PTCHD4: variants seen among roughly 807,000 people sequenced by gnomAD.
PTCHD4 encodes the protein patched domain-containing protein 4.
A neutral mutation model predicts 58.1 loss-of-function variants in PTCHD4; 33 were observed. The observed-to-expected ratio is 0.57, with a 90% confidence interval of 0.43 to 0.76. The LOEUF is 0.76. Ranked by LOEUF, PTCHD4 falls within the 30% of genes least tolerant of loss-of-function variation. The pLI, the probability that PTCHD4 is intolerant of heterozygous loss-of-function variation, is 0.00. For missense variants in PTCHD4, 1,058 were observed against 1,027.1 expected, an observed-to-expected ratio of 1.03 and a Z score of -0.41; for synonymous variants, 478 against 409.6, an observed-to-expected ratio of 1.17 and a Z score of -2.02.
chr6:48,057,148 T>TCTCC (rs1764436689), intron 3 of PTCHD4, among the ~76,000 whole-genome samples: 2 of 152,028 alleles, frequency 1.3e-5, no homozygotes, highest in African/African-American at 2.4e-5. Flanking sequence ...GTAAAAAGTC[T>TCTCC]CTCCCTCCCT....
At chr6:48,012,160 G>A (rs1390378071) in intron 3 of PTCHD4, among the ~76,000 whole-genome samples, 2 of 152,120 alleles carry the variant, frequency 1.3e-5, no homozygotes, top group Non-Finnish European at 2.9e-5. Context: ...ATTACTTTGG[G>A]CAGTTTGGCC....
intron 3 of PTCHD4, among the ~76,000 whole-genome samples, chr6:48,029,709 T>A (rs1763369500): frequency 6.6e-6 from 1 of 152,104 alleles, no homozygotes; most frequent in Non-Finnish European, 1.5e-5. Context: ...GGCAATACAG[T>A]TATTTGCATA....
intron 4 of PTCHD4, among the ~76,000 whole-genome samples, chr6:47,891,735 A>G (rs1197761604): frequency 6.6e-6 from 1 of 151,764 alleles, no homozygotes; most frequent in African/African-American, 2.4e-5. Flanking sequence ...TTCCTAAAAT[A>G]CTCCATGGTC....
At chr6:47,988,542 C>T (rs948349306) in intron 4 of PTCHD4, among the ~76,000 whole-genome samples, 2 of 152,144 alleles carry the variant, frequency 1.3e-5, no homozygotes, top group Non-Finnish European at 2.9e-5. Flanking sequence ...CAATAGTACT[C>T]CCATAATTCC....
At chr6:47,974,642 C>T (rs1224604019) in intron 4 of PTCHD4, among the ~76,000 whole-genome samples, 1 of 152,186 alleles carries the variant, frequency 6.6e-6, no homozygotes, top group African/African-American at 2.4e-5. Flanking sequence ...TAAATATCCC[C>T]TGGGAGGCAA....
intron 1 of PTCHD4, among the ~76,000 whole-genome samples, chr6:48,080,897 G>A (rs1765154156): frequency 6.6e-6 from 1 of 152,132 alleles, no homozygotes; most frequent in Admixed American, 6.6e-5. Context: ...ATTGTCTGGG[G>A]CTTACCTTTC....
chr6:48,100,818 G>A (rs1025947627), intron 1 of PTCHD4, among the ~76,000 whole-genome samples: 2 of 151,964 alleles, frequency 1.3e-5, no homozygotes, highest in African/African-American at 2.4e-5. Flanking sequence ...ATTTTGAGTC[G>A]TGCATCTACC....
rs1763625245 is a variant in PTCHD4 at position 47,868,319 on chromosome 6, T to A, written c.*9984A>T. Among the ~76,000 whole-genome samples, 1 of 151,752 alleles carries A rather than the reference T, an allele frequency of 6.6e-6. No homozygotes were observed. The highest frequency in any genetic ancestry group is 6.6e-5 in the Admixed American group (1 of 15,194). On this transcript the variant is annotated 3_prime_UTR_variant, in exon 5 of 5. Coordinates refer to ENST00000339488, the MANE Select transcript of PTCHD4 (RefSeq NM_001384253.1). ...TCAACTTATAGGAAAGGACAGTTATTACCAACAAACTTGAAATTCTTCCTT... is the reference window on the plus strand; with the variant it reads ...TCAACTTATAGGAAAGGACAGTTATAACCAACAAACTTGAAATTCTTCCTT...
At chr6:47,913,907 G>T (rs1237621931) in intron 4 of PTCHD4, among the ~76,000 whole-genome samples, 3 of 152,136 alleles carry the variant, frequency 2.0e-5, no homozygotes, top group East Asian at 3.9e-4. Flanking sequence ...CAATTCTGAT[G>T]CAGGTTATCT....
Position 47,867,772 on chromosome 6 carries a change from A to C in PTCHD4, c.*10531T>G, listed in dbSNP as rs1763609963. Among the ~76,000 whole-genome samples, 1 of 151,732 alleles carries C rather than the reference A, an allele frequency of 6.6e-6. No homozygotes were observed. The highest frequency in any genetic ancestry group is 2.4e-5 in the African/African-American group (1 of 41,370). On this transcript the variant is annotated 3_prime_UTR_variant, in exon 5 of 5. Coordinates refer to ENST00000339488, the MANE Select transcript of PTCHD4 (RefSeq NM_001384253.1). Reference sequence around the variant, plus strand: ...ATAATTCCTTCCTTACTTTCCTTGAATACTCCAGCTGCAAATTTCCTCAAC... The same window carrying C: ...ATAATTCCTTCCTTACTTTCCTTGACTACTCCAGCTGCAAATTTCCTCAAC...
At chr6:47,881,399 T>C (rs982538998) in intron 4 of PTCHD4, among the ~76,000 whole-genome samples, 4 of 152,164 alleles carry the variant, frequency 2.6e-5, no homozygotes, top group Non-Finnish European at 2.9e-5. Flanking sequence ...TGTGACATAG[T>C]TCTGGACAAT....
At position 47,859,817 on chromosome 6, in the gene PTCHD4, G is replaced by A. The variant is rs1449227296; in HGVS notation, c.*18486C>T. 1.3e-5 allele frequency among the ~76,000 whole-genome samples: 2 copies of A among 151,976 alleles called. No homozygotes were observed. The highest frequency in any genetic ancestry group is 2.9e-5 in the Non-Finnish European group (2 of 67,962). On this transcript the variant is annotated 3_prime_UTR_variant, in exon 5 of 5. Coordinates refer to ENST00000339488, the MANE Select transcript of PTCHD4 (RefSeq NM_001384253.1). ...TAAGAAGAAACCAAAAAGATGTGAG[G>A]GAGGAAGATCTGTGGCTAACTGGGG... is the stretch of plus-strand genomic sequence containing the variant.
intron 4 of PTCHD4, among the ~76,000 whole-genome samples, chr6:47,897,408 A>G (rs1417690925): frequency 6.6e-6 from 1 of 152,188 alleles, no homozygotes; most frequent in Admixed American, 6.5e-5. Context: ...TGCATGACGC[A>G]GTCCTGGACT....
intron 1 of PTCHD4, among the ~76,000 whole-genome samples, chr6:48,087,527 C>T (rs1765286633): frequency 6.6e-6 from 1 of 152,096 alleles, no homozygotes; most frequent in Non-Finnish European, 1.5e-5. Flanking sequence ...AGACAGGACC[C>T]TTGCATACAT....
intron 1 of PTCHD4, among the ~76,000 whole-genome samples, chr6:48,091,184 C>T (rs1765359546): frequency 6.6e-6 from 1 of 151,820 alleles, no homozygotes; most frequent in South Asian, 2.1e-4. Context: ...TCATTTTAAC[C>T]TTTTAAATTT....
chr6:47,902,522 AC>A lies in PTCHD4; in HGVS notation c.899-22587del, dbSNP rs1764744330. ...TTTGCGTGAAGGAAATGATTCTAGA[AC>A]CCAGAAAGATGAAGAGGATTTAAAT... On this transcript the variant is annotated intron_variant, in intron 4 of 4. Transcript: ENST00000339488. Among the ~76,000 whole-genome samples the A allele has an allele frequency of 2.0e-5, 3 of 152,318 alleles. No homozygotes were observed. The South Asian group carries it at 6.2e-4, about 32-fold the overall frequency.
At position 47,871,449 on chromosome 6, in the gene PTCHD4, GC is replaced by G. The variant is rs1176147082; in HGVS notation, c.*6853del. On this transcript the variant is annotated 3_prime_UTR_variant, in exon 5 of 5. Coordinates refer to ENST00000339488, the MANE Select transcript of PTCHD4 (RefSeq NM_001384253.1). ...TGTGCATCTTACTGGGTAGACTGCT[GC>G]CTCTAATCAAAGTCAGATTACTCTC... Among the ~76,000 whole-genome samples, 1 of 151,572 alleles carries G rather than the reference GC, an allele frequency of 6.6e-6. No individual in the cohort carries two copies. Among genetic ancestry groups the G allele is most frequent in the Non-Finnish European group, 1.5e-5 (1 of 67,700 alleles).
At chr6:47,963,743 A>T (rs1225683217) in intron 4 of PTCHD4, among the ~76,000 whole-genome samples, 1 of 152,224 alleles carries the variant, frequency 6.6e-6, no homozygotes. Context: ...ATTGCCAAAA[A>T]AACCCACTCA....
At chr6:48,018,560 A>G (rs1365173839) in intron 3 of PTCHD4, among the ~76,000 whole-genome samples, 1 of 152,174 alleles carries the variant, frequency 6.6e-6, no homozygotes, top group African/African-American at 2.4e-5. Flanking sequence ...TCAAATGGAG[A>G]AGGATAAGGA....
Sources: allele counts gnomAD v4.1 joint callset (sites outside exome capture counted in the v4.1 genomes callset), GRCh38; gene constraint gnomAD v4.1.1; transcripts MANE v1.5; gene names NCBI Gene and HGNC (gene_info 2026-07-23, HGNC 2026-07-21).